The following FHIT variants were observed in gnomAD, a reference collection of about 807,000 sequenced individuals.
FHIT encodes fragile histidine triad diadenosine triphosphatase, also known as bis(5'-adenosyl)-triphosphatase.
In FHIT, 19 loss-of-function variants were observed where a neutral mutation model predicts 17.9. That is an observed-to-expected ratio of 1.06 (90% CI 0.74 to 1.56). The LOEUF is 1.56. Ranked by LOEUF, FHIT falls within the 40% of genes most tolerant of loss-of-function variation. The pLI is 0.00. For synonymous variants in FHIT, 81 were observed against 69.7 expected, an observed-to-expected ratio of 1.16 and a Z score of -0.81; for missense variants, 248 against 189.2, an observed-to-expected ratio of 1.31 and a Z score of -1.82.
At chr3:60,913,346 G>A (rs1251378765) in intron 3 of FHIT, among the ~76,000 whole-genome samples, 1 of 152,156 alleles carries the variant, frequency 6.6e-6, no homozygotes, top group Non-Finnish European at 1.5e-5. Context: ...TTGAATGGAT[G>A]GGCTTGCCTG....
chr3:61,112,457 C>A (rs2036187902), intron 2 of FHIT, among the ~76,000 whole-genome samples: 1 of 152,052 alleles, frequency 6.6e-6, no homozygotes, highest in Non-Finnish European at 1.5e-5. Flanking sequence ...AGGCCAATGA[C>A]AATATATTTC....
chr3:61,045,558 C>G (rs2033744322), intron 2 of FHIT, among the ~76,000 whole-genome samples: 1 of 152,196 alleles, frequency 6.6e-6, no homozygotes, highest in Non-Finnish European at 1.5e-5. Flanking sequence ...TAATACCCCA[C>G]TGTCAACATT....
intron 4 of FHIT, among the ~76,000 whole-genome samples, chr3:60,656,615 C>T (rs1168593752): frequency 6.6e-6 from 1 of 152,174 alleles, no homozygotes; most frequent in Non-Finnish European, 1.5e-5. Flanking sequence ...CCACCCTCCA[C>T]CTCCCCAGGA....
At chr3:60,361,367 G>T (rs974372132) in intron 5 of FHIT, among the ~76,000 whole-genome samples, 1 of 152,094 alleles carries the variant, frequency 6.6e-6, no homozygotes, top group Admixed American at 6.5e-5. Flanking sequence ...ATGGAAAAGG[G>T]CACTATTCTT....
At chr3:59,809,093 C>T (rs1700315086) in intron 8 of FHIT, among the ~76,000 whole-genome samples, 1 of 152,136 alleles carries the variant, frequency 6.6e-6, no homozygotes, top group Admixed American at 6.5e-5. Flanking sequence ...ATGTTGTTTA[C>T]ATAAATAGTT....
chr3:60,094,258 A>C (rs1703848421), intron 5 of FHIT, among the ~76,000 whole-genome samples: 1 of 152,148 alleles, frequency 6.6e-6, no homozygotes, highest in Non-Finnish European at 1.5e-5. Flanking sequence ...CAGTTTAGAC[A>C]CTTATGAGAA....
intron 4 of FHIT, among the ~76,000 whole-genome samples, chr3:60,686,460 C>T (rs782312157): frequency 6.6e-6 from 1 of 152,116 alleles, no homozygotes; most frequent in Non-Finnish European, 1.5e-5. Context: ...CATTCTCTAT[C>T]ACCTTTCCTT....
intron 4 of FHIT, among the ~76,000 whole-genome samples, chr3:60,721,611 T>G (rs2041811332): frequency 1.3e-5 from 2 of 152,064 alleles, no homozygotes. Context: ...TCCTCCAAGG[T>G]GGTAAATTGC....
chr3:60,642,453 T>C (rs1322189548), intron 4 of FHIT, among the ~76,000 whole-genome samples: 2 of 152,018 alleles, frequency 1.3e-5, no homozygotes, highest in African/African-American at 4.8e-5. Flanking sequence ...CCAAAGACAA[T>C]GAATGATAAC....
chr3:60,439,949 C>T (rs1053502313), intron 5 of FHIT, among the ~76,000 whole-genome samples: 1 of 152,012 alleles, frequency 6.6e-6, no homozygotes, highest in East Asian at 1.9e-4. Flanking sequence ...ATCATGTTTC[C>T]AATCCTTTAC....
chr3:60,158,739 T>C (rs1373944238), intron 5 of FHIT, among the ~76,000 whole-genome samples: 3 of 152,190 alleles, frequency 2.0e-5, no homozygotes, highest in Non-Finnish European at 4.4e-5. Flanking sequence ...AGCCTCACTT[T>C]AGACTGTCTT....
chr3:60,824,693 T>TG (rs1702051312), intron 3 of FHIT, among the ~76,000 whole-genome samples: 1 of 152,072 alleles, frequency 6.6e-6, no homozygotes, highest in South Asian at 2.1e-4. Context: ...AATTGAATCA[T>TG]GGGGGTGGGT....
At chr3:60,501,031 T>C (rs577777956) in intron 5 of FHIT, among the ~76,000 whole-genome samples, 41 of 151,960 alleles carry the variant, frequency 2.7e-4, no homozygotes, top group South Asian at 8.3e-4. Context: ...CCCAACCTAA[T>C]AGCAAGTAAC....
At chr3:60,899,773 C>G (rs1400118409) in intron 3 of FHIT, among the ~76,000 whole-genome samples, 2 of 152,098 alleles carry the variant, frequency 1.3e-5, no homozygotes, top group Admixed American at 6.6e-5. Context: ...TTGTGAGATG[C>G]CAAAAACTGA....
chr3:60,578,085 C>T (rs1023041061), intron 4 of FHIT, among the ~76,000 whole-genome samples: 29 of 152,184 alleles, frequency 1.9e-4, no homozygotes, highest in African/African-American at 7.0e-4. Flanking sequence ...TTCTAAACCA[C>T]AGCACAAGGA....
intron 5 of FHIT, among the ~76,000 whole-genome samples, chr3:60,123,844 A>C (rs1033247548): frequency 1.3e-5 from 2 of 150,094 alleles, no homozygotes; most frequent in Non-Finnish European, 3.0e-5. Flanking sequence ...ACTGAATGAG[A>C]ATACACTGGA....
chr3:60,326,207 G>T (rs937241983), intron 5 of FHIT, among the ~76,000 whole-genome samples: 1 of 151,972 alleles, frequency 6.6e-6, no homozygotes. Flanking sequence ...CATTTATTGT[G>T]CATTTTATTT....
rs573723813 is a variant in FHIT, at chr3:61,146,232, G to A, written c.-164+54385C>T. 1.1e-4 allele frequency among the ~76,000 whole-genome samples: 16 copies of A among 152,112 alleles called. No individual in the cohort carries two copies. In the South Asian group the frequency reaches 3.3e-3, roughly 31 times the overall value. ...AAACTCTTCTGCCTAGCATTACCTT[G>A]CTAAAATGAAATCAAGCAAAATGGA... On this transcript the variant is annotated intron_variant, in intron 2 of 9. Coordinates refer to ENST00000492590, the MANE Select transcript of FHIT (RefSeq NM_002012.4).
At chr3:60,923,868 T>A (rs1257009221) in intron 3 of FHIT, among the ~76,000 whole-genome samples, 1 of 152,180 alleles carries the variant, frequency 6.6e-6, no homozygotes, top group East Asian at 1.9e-4. Flanking sequence ...CCTAATACTG[T>A]GCTTTTCCAA....
Sources: gnomAD v4.1 joint callset for allele counts (sites outside exome capture counted in the v4.1 genomes callset) on GRCh38, gnomAD v4.1.1 for gene constraint, MANE v1.5 for transcripts, NCBI Gene and HGNC (gene_info 2026-07-23, HGNC 2026-07-21) for gene names.